RBFOX1: variants seen among roughly 807,000 people sequenced by gnomAD.
RBFOX1 encodes the protein RNA binding protein fox-1 homolog 1.
In RBFOX1, 8 loss-of-function variants were observed where a neutral mutation model predicts 57.7. That is an observed-to-expected ratio of 0.14 (90% CI 0.08 to 0.25). The LOEUF is 0.25. RBFOX1 is among the 10% of genes least tolerant of loss of function. The pLI is 1.00. For synonymous variants in RBFOX1, 326 were observed against 222.4 expected, an observed-to-expected ratio of 1.47 and a Z score of -4.15; for missense variants, 611 against 548.5, an observed-to-expected ratio of 1.11 and a Z score of -1.14.
chr16:5,874,685 C>G (rs572871926), intron 4 of RBFOX1, among the ~76,000 whole-genome samples: 2 of 152,096 alleles, frequency 1.3e-5, no homozygotes, highest in African/African-American at 4.8e-5. Flanking sequence ...TGGTTTATGC[C>G]TGTAATCCAA....
At chr16:5,560,247 G>A (rs1293027064) in intron 2 of RBFOX1, among the ~76,000 whole-genome samples, 1 of 152,000 alleles carries the variant, frequency 6.6e-6, no homozygotes, top group Non-Finnish European at 1.5e-5. Flanking sequence ...ACTTCCTCCA[G>A]AAAGCACTTA....
chr16:6,449,389 C>T (rs1006106545), intron 2 of RBFOX1, among the ~76,000 whole-genome samples: 5 of 152,178 alleles, frequency 3.3e-5, no homozygotes, highest in South Asian at 2.1e-4. Flanking sequence ...GGCTTTGTTT[C>T]GGGGTAGAAC....
intron 3 of RBFOX1, among the ~76,000 whole-genome samples, chr16:6,918,804 C>T (rs1407146179): frequency 6.6e-6 from 1 of 152,002 alleles, no homozygotes; most frequent in Non-Finnish European, 1.5e-5. Context: ...GAGCATTGAG[C>T]AGAAGCGCAC....
chr16:7,311,481 T>TTC (rs1555696066), intron 4 of RBFOX1, among the ~76,000 whole-genome samples: 7 of 149,154 alleles, frequency 4.7e-5, no homozygotes, highest in Admixed American at 2.0e-4. Context: ...GCCTTTTCTT[T>TTC]TTTTTTTTTT....
chr16:6,509,566 C>T (rs7202757), intron 2 of RBFOX1, among the ~76,000 whole-genome samples: 41,862 of 151,972 alleles, frequency 0.28, 6,019 homozygotes, highest in African/African-American at 0.31. Context: ...AGAAATGGGG[C>T]TGGTTCATGG....
At chr16:6,861,202 A>G (rs558471366) in intron 3 of RBFOX1, among the ~76,000 whole-genome samples, 3 of 152,198 alleles carry the variant, frequency 2.0e-5, no homozygotes, top group African/African-American at 2.4e-5. Flanking sequence ...CTGAACAGCT[A>G]CAGTTACCGC....
rs1403150951 is a variant in RBFOX1, at chr16:7,668,519, G to A, written c.930+3551G>A. On this transcript the variant is annotated intron_variant, in intron 13 of 15. Transcript: ENST00000550418. ...TCCTATTCAGGAGCTGAGCCCTGCA[G>A]GAAACCCACTGCCTCTAGCCACAGT... Among the ~76,000 whole-genome samples, 3 of 152,208 alleles carry A rather than the reference G, an allele frequency of 2.0e-5. No homozygotes were observed. The East Asian group carries it at 5.8e-4, about 29-fold the overall frequency.
intron 3 of RBFOX1, among the ~76,000 whole-genome samples, chr16:5,856,276 CATAT>C (rs1288302885): frequency 0.011 from 295 of 27,668 alleles, 20 homozygotes; most frequent in African/African-American, 0.035. Flanking sequence ...TATATATACA[CATAT>C]ATATACACAC....
At chr16:5,338,544 G>T (rs1043593788) in intron 1 of RBFOX1, among the ~76,000 whole-genome samples, 1 of 152,152 alleles carries the variant, frequency 6.6e-6, no homozygotes, top group Non-Finnish European at 1.5e-5. Context: ...TTATCTTCCA[G>T]TTCCTCATGT....
At chr16:7,169,306 C>T (rs1049400251) in intron 4 of RBFOX1, among the ~76,000 whole-genome samples, 1 of 152,186 alleles carries the variant, frequency 6.6e-6, no homozygotes, top group African/African-American at 2.4e-5. Context: ...TAGCCATTTA[C>T]TAAAAGCTTT....
Position 7,176,652 on chromosome 16 carries a change from G to C in RBFOX1, c.27+124554G>C, listed in dbSNP as rs566941087. Among the ~76,000 whole-genome samples the C allele has an allele frequency of 3.3e-5, 5 of 152,252 alleles. No individual in the cohort carries two copies. In the East Asian group the frequency reaches 7.7e-4, roughly 24 times the overall value. On this transcript the variant is annotated intron_variant, in intron 4 of 15. Coordinates refer to ENST00000550418, the MANE Select transcript of RBFOX1 (RefSeq NM_018723.4). ...GGTGGCAAAGCCTGAAATATTTAATGTTTGCCCCTTTACTGGAAAAGGTTT... is the reference window on the plus strand; with the variant it reads ...GGTGGCAAAGCCTGAAATATTTAATCTTTGCCCCTTTACTGGAAAAGGTTT...
At chr16:5,917,241 C>A (rs2058724562) in intron 4 of RBFOX1, among the ~76,000 whole-genome samples, 1 of 152,152 alleles carries the variant, frequency 6.6e-6, no homozygotes, top group African/African-American at 2.4e-5. Context: ...TGCTAAAGGG[C>A]TCCAGTGTTT....
chr16:6,420,794 A>G (rs1008841291), intron 2 of RBFOX1, among the ~76,000 whole-genome samples: 1 of 152,226 alleles, frequency 6.6e-6, no homozygotes, highest in Non-Finnish European at 1.5e-5. Context: ...TTCAAGAGGC[A>G]AAGATTGGGG....
chr16:5,368,285 A>G (rs2065775132), intron 1 of RBFOX1, among the ~76,000 whole-genome samples: 1 of 152,118 alleles, frequency 6.6e-6, no homozygotes, highest in Non-Finnish European at 1.5e-5. Context: ...CTGCATTTTC[A>G]TCTCTAGGTT....
At chr16:6,731,193 G>C (rs752460143) in intron 3 of RBFOX1, among the ~76,000 whole-genome samples, 1 of 152,146 alleles carries the variant, frequency 6.6e-6, no homozygotes, top group Non-Finnish European at 1.5e-5. Context: ...ATACAGGGAA[G>C]ATACATATCA....
chr16:5,514,273 G>C (rs2151729535), intron 2 of RBFOX1, among the ~76,000 whole-genome samples: 1 of 152,326 alleles, frequency 6.6e-6, no homozygotes, highest in African/African-American at 2.4e-5. Flanking sequence ...GGCCAGGGCA[G>C]TGTGGCTCTG....
chr16:5,680,200 A>G (rs1361173016), intron 3 of RBFOX1, among the ~76,000 whole-genome samples: 1 of 152,222 alleles, frequency 6.6e-6, no homozygotes, highest in Non-Finnish European at 1.5e-5. Context: ...GCATTGCTGC[A>G]GGACACCATG....
chr16:7,486,725 C>G (rs2151394895), intron 4 of RBFOX1, among the ~76,000 whole-genome samples: 1 of 152,236 alleles, frequency 6.6e-6, no homozygotes, highest in East Asian at 1.9e-4. Flanking sequence ...AGAAGCAAGT[C>G]ATTCAGCTGA....
intron 3 of RBFOX1, among the ~76,000 whole-genome samples, chr16:6,966,678 G>A (rs1208237099): frequency 6.4e-4 from 98 of 152,146 alleles, no homozygotes; most frequent in Non-Finnish European, 1.3e-4. Flanking sequence ...AGTGCAAGCT[G>A]GGCTGAAGTG....
Sources: allele counts gnomAD v4.1 joint callset (sites outside exome capture counted in the v4.1 genomes callset), GRCh38; gene constraint gnomAD v4.1.1; transcripts MANE v1.5; gene names NCBI Gene and HGNC (gene_info 2026-07-23, HGNC 2026-07-21).